Variants in LIPI observed in about 807,000 individuals in gnomAD.
LIPI encodes the protein lipase I, also known as lipase member I.
LIPI carries 59 observed loss-of-function variants against 50.6 expected under a neutral mutation model. The ratio of observed to expected loss-of-function variants is 1.16; its 90% CI spans 0.94 to 1.45. The LOEUF (loss-of-function observed/expected upper bound fraction) is 1.45. Among genes scored for constraint, LIPI ranks in the 40% most tolerant of loss-of-function variants. The pLI, the probability that LIPI is intolerant of heterozygous loss-of-function variation, is 0.00. For missense variants in LIPI, 586 were observed against 536.3 expected (o/e 1.09, Z -0.92); for synonymous variants, 203 against 178.2 (o/e 1.14, Z -1.11).
At chr21:14,204,709 G>A (rs569724606) in intron 1 of LIPI, among the ~76,000 whole-genome samples, 1 of 152,022 alleles carries the variant, frequency 6.6e-6, no homozygotes, top group South Asian at 2.1e-4. Context: ...ATTAAAAGCA[G>A]TCAAAGGTGA....
At chr21:14,129,451 A>G (rs1031608948) in intron 9 of LIPI, among the ~76,000 whole-genome samples, 1 of 152,082 alleles carries the variant, frequency 6.6e-6, no homozygotes, top group African/African-American at 2.4e-5. Context: ...ACAGTTAGTG[A>G]AAATATGTGT....
Position 14,203,852 on chromosome 21 carries a change from A to AAAAAAT in LIPI, c.46+6947_46+6948insATTTTT, listed in dbSNP as rs1555862805. On this transcript the variant is annotated intron_variant, in intron 1 of 9. Transcript: ENST00000681601. ...GTACCCTAAAACTTAAAATATAATA[A>AAAAAAT]AAAGAGAAAGAAAGAAAATGTGGTA... is the stretch of plus-strand genomic sequence containing the variant. Among the ~76,000 whole-genome samples, 4 of 122,630 alleles carry AAAAAAT rather than the reference A, an allele frequency of 3.3e-5. No individual in the cohort carries two copies. In the South Asian group the frequency reaches 7.4e-4, roughly 23 times the overall value. The allele number at this position is 122,630 out of a possible 152,430, so 80.5% of individuals were successfully genotyped here.
chr21:14,176,241 C>G (rs2019092973), intron 4 of LIPI, among the ~76,000 whole-genome samples: 1 of 150,026 alleles, frequency 6.7e-6, no homozygotes, highest in Non-Finnish European at 1.5e-5. Flanking sequence ...TAATTTTTAT[C>G]TTTTCTAAAG....
At chr21:14,204,092 G>A (rs1186161153) in intron 1 of LIPI, among the ~76,000 whole-genome samples, 1 of 152,056 alleles carries the variant, frequency 6.6e-6, no homozygotes, top group Non-Finnish European at 1.5e-5. Flanking sequence ...GTTTGTGGGG[G>A]TTATGGGGAG....
At chr21:14,177,221 T>C (rs1310566724) in intron 4 of LIPI, among the ~76,000 whole-genome samples, 1 of 152,110 alleles carries the variant, frequency 6.6e-6, no homozygotes, top group Non-Finnish European at 1.5e-5. Context: ...CATATTTTTA[T>C]TAGTTTATAT....
chr21:14,182,280 G>C (rs1446092179), intron 3 of LIPI, among the ~76,000 whole-genome samples: 1 of 152,070 alleles, frequency 6.6e-6, no homozygotes, highest in Non-Finnish European at 1.5e-5. Flanking sequence ...AGCTTTTTTA[G>C]GTGCCAAATA....
intron 9 of LIPI, among the ~76,000 whole-genome samples, chr21:14,132,032 TA>T (rs1280255476): frequency 6.6e-6 from 1 of 151,770 alleles, no homozygotes; most frequent in Non-Finnish European, 1.5e-5. Flanking sequence ...AACAAGCAAA[TA>T]AACAAACAAA....
At chr21:14,196,171 A>AC (rs1555860383) in intron 1 of LIPI, among the ~76,000 whole-genome samples, 3 of 132,706 alleles carry the variant, frequency 2.3e-5, no homozygotes, top group Non-Finnish European at 5.0e-5. Flanking sequence ...AAAAAAACAA[A>AC]ACAAGAAGTA....
At chr21:14,158,217 C>G (rs1452791120) in intron 7 of LIPI, among the ~76,000 whole-genome samples, 1 of 151,582 alleles carries the variant, frequency 6.6e-6, no homozygotes, top group Non-Finnish European at 1.5e-5. Context: ...TACTAAAATA[C>G]CTCAGGACGT....
At chr21:14,178,923 CA>C (rs560758473) in intron 4 of LIPI, among the ~76,000 whole-genome samples, 171 of 152,172 alleles carry the variant, frequency 1.1e-3, no homozygotes, top group Non-Finnish European at 1.9e-3. Flanking sequence ...TCTACTTAAA[CA>C]AAAAACTCAG....
At chr21:14,111,950 C>A (rs967653093) in intron 9 of LIPI, among the ~76,000 whole-genome samples, 2 of 151,962 alleles carry the variant, frequency 1.3e-5, no homozygotes, top group African/African-American at 2.4e-5. Context: ...CCCAATCACC[C>A]GAATAGTGAA....
intron 9 of LIPI, among the ~76,000 whole-genome samples, chr21:14,110,628 C>T (rs1391397558): frequency 6.6e-6 from 1 of 151,786 alleles, no homozygotes; most frequent in East Asian, 1.9e-4. Context: ...CTCCTTAACA[C>T]CTTCCCCTCC....
chr21:14,119,819 G>A (rs896997714), intron 9 of LIPI, among the ~76,000 whole-genome samples: 2 of 152,140 alleles, frequency 1.3e-5, no homozygotes, highest in Non-Finnish European at 2.9e-5. Flanking sequence ...GCTAAGGGAT[G>A]GCCACCCTGT....
At chr21:14,171,074 GACAA>G (rs1218828465) in intron 4 of LIPI, among the ~76,000 whole-genome samples, 6 of 148,458 alleles carry the variant, frequency 4.0e-5, no homozygotes, top group African/African-American at 1.5e-4. Context: ...ACCAATAACA[GACAA>G]ACAGAGAGCC....
chr21:14,109,671 C>A (rs1370670367), intron 9 of LIPI, among the ~76,000 whole-genome samples: 1 of 151,962 alleles, frequency 6.6e-6, no homozygotes, highest in Non-Finnish European at 1.5e-5. Flanking sequence ...AAGCTCATGA[C>A]CTTAGTAGCA....
In LIPI at chr21:14,197,050, T is replaced by C. The variant is rs868626994; in HGVS notation, c.47-7631A>G. Reference sequence around the variant, plus strand: ...ATACACACACACACACACACACACATACACCAGATAAATGAGATATAAGTC... The same window carrying C: ...ATACACACACACACACACACACACACACACCAGATAAATGAGATATAAGTC... On this transcript the variant is annotated intron_variant, in intron 1 of 9. Transcript: ENST00000681601. Among the ~76,000 whole-genome samples, 464 of 145,786 alleles carry C rather than the reference T, an allele frequency of 3.2e-3. 1 individual carries two copies. Among genetic ancestry groups the C allele is most frequent in the African/African-American group, 0.011 (448 of 39,796 alleles).
At chr21:14,130,266 G>A (rs1283887977) in intron 9 of LIPI, among the ~76,000 whole-genome samples, 8 of 152,130 alleles carry the variant, frequency 5.3e-5, no homozygotes, top group Non-Finnish European at 1.2e-4. Context: ...TGTGAACCCT[G>A]GATGCGGAAG....
rs745353795 is a variant in LIPI at position 14,189,095 on chromosome 21, C to G, written c.371G>C (p.Arg124Thr). 4.3e-6 allele frequency: 7 copies of G among 1,612,168 alleles called. No homozygotes were observed. Among genetic ancestry groups the G allele is most frequent in the Non-Finnish European group, 5.9e-6 (7 of 1,179,888 alleles). Residue 124 changes from arginine (R) to threonine (T), a missense_variant, in exon 2 of 10, where the codon AGA (arginine) becomes ACA (threonine). Physicochemically the swap from Arg to Thr is moderately conservative, Grantham distance 71. Coordinates refer to ENST00000681601, the MANE Select transcript of LIPI (RefSeq NM_001302998.2). The part of the protein sequence containing the change: ...SRGATTFIYN[R>T]AVKNTRKVAV... ...AACTTTTCTGGTGTTTTTAACTGCT[C>G]TATTATAAATAAAAGTTGTAGCACC...
intron 1 of LIPI, among the ~76,000 whole-genome samples, chr21:14,195,322 A>T (rs950800101): frequency 1.3e-4 from 20 of 152,302 alleles, no homozygotes; most frequent in African/African-American, 4.3e-4. Context: ...ACAATTTTCG[A>T]GGTCACATTA....
Sources: gnomAD v4.1 joint callset for allele counts (sites outside exome capture counted in the v4.1 genomes callset) on GRCh38, gnomAD v4.1.1 for gene constraint, MANE v1.5 for transcripts, NCBI Gene and HGNC (gene_info 2026-07-23, HGNC 2026-07-21) for gene names.